Variants in DACH2 observed in about 807,000 individuals in gnomAD.
The protein encoded by DACH2 is dachshund family transcription factor 2.
DACH2 carries 17 observed loss-of-function variants against 35.8 expected under a neutral mutation model. The ratio of observed to expected loss-of-function variants is 0.48; its 90% CI spans 0.33 to 0.71. The LOEUF (loss-of-function observed/expected upper bound fraction) is 0.71. Among genes scored for constraint, DACH2 ranks in the 30% least tolerant of loss-of-function variants. The pLI is 0.02. For missense variants in DACH2, 469 were observed against 472.7 expected (o/e 0.99, Z 0.07); for synonymous variants, 195 against 177.3 (o/e 1.10, Z -0.79).
chrX:86,331,254 G>A (rs1455297663), intron 1 of DACH2, among the ~76,000 whole-genome samples: 1 of 110,599 alleles, frequency 9.0e-6, no homozygotes, highest in Admixed American at 9.8e-5. Context: ...TACAAGAGTC[G>A]AGGCTGTCGG....
intron 2 of DACH2, among the ~76,000 whole-genome samples, chrX:86,501,855 T>C (rs2038253944): frequency 8.9e-6 from 1 of 111,914 alleles, no homozygotes; most frequent in Non-Finnish European, 1.9e-5. Context: ...TTAATTTTGG[T>C]ATTTTAAACC....
At position 86,584,568 on chromosome X, in the gene DACH2, T is replaced by A. The variant is rs760527671; in HGVS notation, c.641-66468T>A. ...TAAATTGTTGATTCAAAATCACCTT[T>A]CTTTTATAATATAAGCACTTAATGC... On this transcript the variant is annotated intron_variant, in intron 3 of 11. Transcript: ENST00000373125. Among the ~76,000 whole-genome samples the A allele has an allele frequency of 3.6e-5, 4 of 111,470 alleles. No individual in the cohort carries two copies. In the South Asian group the frequency reaches 1.1e-3, roughly 31 times the overall value.
At chrX:86,203,927 C>T (rs1019037507) in intron 1 of DACH2, among the ~76,000 whole-genome samples, 1 of 111,377 alleles carries the variant, frequency 9.0e-6, no homozygotes, top group African/African-American at 3.3e-5. Flanking sequence ...CTGGCAAACA[C>T]GGAGAAGGAG....
intron 3 of DACH2, among the ~76,000 whole-genome samples, chrX:86,588,672 T>C (rs908726826): frequency 1.8e-5 from 2 of 111,334 alleles, no homozygotes; most frequent in Non-Finnish European, 3.8e-5. Flanking sequence ...TTGGAAGTTA[T>C]TGGGGTGCAG....
At chrX:86,320,397 C>T (rs191326859) in intron 1 of DACH2, among the ~76,000 whole-genome samples, 91 of 112,069 alleles carry the variant, frequency 8.1e-4, no homozygotes, top group African/African-American at 2.9e-3. Flanking sequence ...CCCCAATTTG[C>T]ACCACTACCT....
intron 6 of DACH2, among the ~76,000 whole-genome samples, chrX:86,739,346 T>C (rs1435291457): frequency 1.8e-5 from 2 of 108,793 alleles, no homozygotes; most frequent in Non-Finnish European, 3.9e-5. Flanking sequence ...AGTCTTTACA[T>C]TTGGGAGTTC....
chrX:86,317,424 G>C (rs1160032068), intron 1 of DACH2, among the ~76,000 whole-genome samples: 2 of 111,924 alleles, frequency 1.8e-5, no homozygotes, highest in Non-Finnish European at 3.8e-5. Context: ...TGTTTTCCTT[G>C]AGACACAGCT....
chrX:86,350,011 T>C (rs778923404), intron 1 of DACH2, among the ~76,000 whole-genome samples: 1 of 110,719 alleles, frequency 9.0e-6, no homozygotes, highest in Non-Finnish European at 1.9e-5. Context: ...CTACTAAAAA[T>C]ACAAAAATTA....
chrX:86,822,715 A>G (rs1054641549), intron 11 of DACH2, among the ~76,000 whole-genome samples: 5 of 111,598 alleles, frequency 4.5e-5, no homozygotes, highest in African/African-American at 1.6e-4. Flanking sequence ...TAGTTAATTA[A>G]ACGAAATAGT....
At chrX:86,156,035 C>T (rs1425000040) in intron 1 of DACH2, among the ~76,000 whole-genome samples, 1 of 111,157 alleles carries the variant, frequency 9.0e-6, no homozygotes, top group Non-Finnish European at 1.9e-5. Flanking sequence ...TATCTCACCA[C>T]ATCCTTCTTC....
At position 86,535,805 on chromosome X, in the gene DACH2, C is replaced by T. The variant is rs184813477; in HGVS notation, c.640+21414C>T. On this transcript the variant is annotated intron_variant, in intron 3 of 11. Coordinates refer to ENST00000373125, the MANE Select transcript of DACH2 (RefSeq NM_053281.3). ...AGCAGGTAGCCAGTGTTAGATTTTTCGATCACCTTTTCAACTCTTTAAGGC... is the reference window on the plus strand; with the variant it reads ...AGCAGGTAGCCAGTGTTAGATTTTTTGATCACCTTTTCAACTCTTTAAGGC... 1.3e-4 allele frequency among the ~76,000 whole-genome samples: 14 copies of T among 110,909 alleles called. No homozygotes were observed. In the East Asian group the frequency reaches 3.1e-3, roughly 25 times the overall value.
intron 1 of DACH2, among the ~76,000 whole-genome samples, chrX:86,320,175 T>C (rs1404903474): frequency 9.0e-6 from 1 of 111,417 alleles, no homozygotes; most frequent in African/African-American, 3.3e-5. Context: ...ACCAAGGGTG[T>C]CAAGACACAG....
intron 1 of DACH2, among the ~76,000 whole-genome samples, chrX:86,315,007 T>C (rs1228470968): frequency 8.9e-6 from 1 of 112,376 alleles, no homozygotes; most frequent in Non-Finnish European, 1.9e-5. Flanking sequence ...TCAATGTAGA[T>C]GAAACAGTCT....
At chrX:86,710,600 A>G (rs1363230269) in intron 5 of DACH2, among the ~76,000 whole-genome samples, 1 of 111,718 alleles carries the variant, frequency 9.0e-6, no homozygotes, top group Non-Finnish European at 1.9e-5. Flanking sequence ...GTATTTATAT[A>G]GGCAAATCAA....
chrX:86,309,350 A>C (rs937355393), intron 1 of DACH2, among the ~76,000 whole-genome samples: 2 of 112,370 alleles, frequency 1.8e-5, no homozygotes, highest in African/African-American at 6.5e-5. Context: ...GTATGCAACC[A>C]TTGACTGCAC....
chrX:86,452,276 C>T (rs1203401724), intron 2 of DACH2, among the ~76,000 whole-genome samples: 1 of 111,205 alleles, frequency 9.0e-6, no homozygotes, highest in East Asian at 2.8e-4. Flanking sequence ...AGTATATTGA[C>T]TTGAGTATTA....
chrX:86,446,272 T>G (rs1314491550), intron 2 of DACH2, among the ~76,000 whole-genome samples: 3 of 97,445 alleles, frequency 3.1e-5, no homozygotes, highest in Non-Finnish European at 6.1e-5. Flanking sequence ...AAGAAGCATA[T>G]AGTTGAGTCT....
intron 3 of DACH2, among the ~76,000 whole-genome samples, chrX:86,632,428 T>C (rs1000992184): frequency 9.1e-6 from 1 of 110,089 alleles, no homozygotes; most frequent in Non-Finnish European, 1.9e-5. Flanking sequence ...TAAGAACTTC[T>C]CTCAACATTC....
intron 3 of DACH2, among the ~76,000 whole-genome samples, chrX:86,540,732 G>T (rs2038868562): frequency 9.0e-6 from 1 of 111,343 alleles, no homozygotes; most frequent in African/African-American, 3.3e-5. Context: ...ATAAATATTT[G>T]CTTTATGTTG....
Sources: gnomAD v4.1 joint callset for allele counts (sites outside exome capture counted in the v4.1 genomes callset) on GRCh38, gnomAD v4.1.1 for gene constraint, MANE v1.5 for transcripts, NCBI Gene and HGNC (gene_info 2026-07-23, HGNC 2026-07-21) for gene names.